Variants in RAB3B observed in about 807,000 individuals in gnomAD.
The protein encoded by RAB3B is RAB3B, member RAS oncogene family, also known as ras-related protein Rab-3B.
In RAB3B, 11 loss-of-function variants were observed where a neutral mutation model predicts 20.5. That is an observed-to-expected ratio of 0.54 (90% CI 0.34 to 0.89). RAB3B has a LOEUF of 0.89. RAB3B is among the 40% of genes least tolerant of loss of function. RAB3B has a pLI of 0.02. For synonymous variants in RAB3B, 99 were observed against 106.3 expected, an observed-to-expected ratio of 0.93 and a Z score of 0.42; for missense variants, 225 against 280.9, an observed-to-expected ratio of 0.80 and a Z score of 1.42.
intron 4 of RAB3B, among the ~76,000 whole-genome samples, chr1:51,922,239 G>T (rs1684182035): frequency 6.6e-6 from 1 of 152,148 alleles, no homozygotes; most frequent in Non-Finnish European, 1.5e-5. Flanking sequence ...GGAGGTGCGG[G>T]GAGTGTATTG....
chr1:51,979,285 T>C (rs917008051), intron 1 of RAB3B, among the ~76,000 whole-genome samples: 3 of 151,160 alleles, frequency 2.0e-5, no homozygotes, highest in East Asian at 1.9e-4. Context: ...TTTTTTTTTT[T>C]CTGAGATGGA....
In RAB3B at chr1:51,919,462, A is replaced by G. The variant is rs116625885; in HGVS notation, c.*465T>C. ...CCAAGCTTGACTTGTAGTGAGAGAA[A>G]GCCCCGCAGGGAGCCCGATAGGAAA... On this transcript the variant is annotated 3_prime_UTR_variant, in exon 5 of 5. Coordinates refer to ENST00000371655, the MANE Select transcript of RAB3B (RefSeq NM_002867.4). 4.9e-3 allele frequency: 746 copies of G among 153,286 alleles called. 7 individuals are homozygous for G. The highest frequency in any genetic ancestry group is 0.017 in the African/African-American group (706 of 41,606). 9.5% of individuals were successfully genotyped at this position (153,286 alleles called of 1,614,324 possible). A position where few individuals can be genotyped will look rare whatever the true frequency, so the allele number is the denominator to read the frequency against.
chr1:51,977,662 A>G (rs1277275991), intron 1 of RAB3B, among the ~76,000 whole-genome samples: 1 of 152,166 alleles, frequency 6.6e-6, no homozygotes, highest in Admixed American at 6.5e-5. Flanking sequence ...GTAAAGGGCT[A>G]TCATTCTCTT....
intron 2 of RAB3B, among the ~76,000 whole-genome samples, chr1:51,954,216 A>G (rs902572571): frequency 1.3e-5 from 2 of 152,232 alleles, no homozygotes; most frequent in South Asian, 4.1e-4. Context: ...ATGAATGGAT[A>G]TGGTTCATCT....
chr1:51,924,660 T>C (rs1220528320), intron 4 of RAB3B, among the ~76,000 whole-genome samples: 1 of 152,128 alleles, frequency 6.6e-6, no homozygotes, highest in Non-Finnish European at 1.5e-5. Context: ...TTTACTGTCA[T>C]CTCAAAGGTA....
chr1:51,933,077 T>G (rs1212597141), intron 4 of RAB3B, among the ~76,000 whole-genome samples: 1 of 152,160 alleles, frequency 6.6e-6, no homozygotes, highest in African/African-American at 2.4e-5. Flanking sequence ...TAAAATTTAT[T>G]TACACATTCA....
chr1:51,974,872 A>G (rs1385720510), intron 2 of RAB3B, among the ~76,000 whole-genome samples: 1 of 152,274 alleles, frequency 6.6e-6, no homozygotes, highest in Non-Finnish European at 1.5e-5. Context: ...AGATATATGC[A>G]TAATGTATTA....
chr1:51,953,472 T>C lies in RAB3B; in HGVS notation c.229-16060A>G, dbSNP rs931238502. The stretch of plus-strand genomic sequence containing the variant: ...AGGCCTTGTGCTGAGAAATTGCAGG[T>C]GATAAAAGTAAGACTCTTGTCAAAA... On this transcript the variant is annotated intron_variant, in intron 2 of 4. Coordinates refer to ENST00000371655, the MANE Select transcript of RAB3B (RefSeq NM_002867.4). Among the ~76,000 whole-genome samples the C allele has an allele frequency of 1.8e-4, 28 of 151,942 alleles. 1 individual carries two copies. The highest frequency in any genetic ancestry group is 6.8e-4 in the African/African-American group (28 of 41,346).
intron 4 of RAB3B, 126 bp from the exon 5 acceptor site, chr1:51,920,240 T>G (rs1197511827): frequency 2.5e-6 from 2 of 787,370 alleles, no homozygotes; most frequent in African/African-American, 3.5e-5. Flanking sequence ...AGAGGCTAAA[T>G]TCCACGGACA....
chr1:51,942,697 T>C (rs1198012498), intron 2 of RAB3B, among the ~76,000 whole-genome samples: 3 of 152,206 alleles, frequency 2.0e-5, no homozygotes, highest in Non-Finnish European at 4.4e-5. Context: ...TAATACTTCA[T>C]TTTATTGCAC....
chr1:51,984,167 G>A (rs1248507604), intron 1 of RAB3B, among the ~76,000 whole-genome samples: 1 of 146,388 alleles, frequency 6.8e-6, no homozygotes, highest in Non-Finnish European at 1.5e-5. Flanking sequence ...TGGAGGCTGA[G>A]GCAGGAGAAT....
chr1:51,939,806 C>G (rs1166747754), intron 2 of RAB3B, among the ~76,000 whole-genome samples: 1 of 152,156 alleles, frequency 6.6e-6, no homozygotes, highest in Non-Finnish European at 1.5e-5. Flanking sequence ...AACACCTGAA[C>G]TCAAGTGATC....
chr1:51,914,090 T>G lies in RAB3B; in HGVS notation c.*5837A>C, dbSNP rs1196269620. On this transcript the variant is annotated 3_prime_UTR_variant, in exon 5 of 5. Transcript: ENST00000371655. ...CCACAGAATCATAAGAAATGATACA[T>G]GTTTGTTGTTTTAAGCCTGTAAGTT... 1 of 152,218 alleles carries G rather than the reference T, an allele frequency of 6.6e-6. No homozygotes were observed. Among genetic ancestry groups the G allele is most frequent in the Non-Finnish European group, 1.5e-5 (1 of 68,062 alleles). The allele number at this position is 152,218 out of a possible 1,614,324, so 9.4% of individuals were successfully genotyped here.
intron 4 of RAB3B, among the ~76,000 whole-genome samples, chr1:51,929,322 T>G (rs1684291004): frequency 6.6e-6 from 1 of 152,026 alleles, no homozygotes; most frequent in Admixed American, 6.6e-5. Flanking sequence ...AGCTAATACA[T>G]TCTCTCCCTT....
At chr1:51,987,712 T>C (rs565426906) in intron 1 of RAB3B, among the ~76,000 whole-genome samples, 5 of 152,328 alleles carry the variant, frequency 3.3e-5, no homozygotes, top group African/African-American at 1.2e-4. Context: ...TCTAGAATAG[T>C]ACAGTAATTT....
chr1:51,958,494 T>C (rs796879351), intron 2 of RAB3B, among the ~76,000 whole-genome samples: 22 of 151,930 alleles, frequency 1.4e-4, no homozygotes, highest in South Asian at 4.2e-4. Flanking sequence ...GAGGCCGAGG[T>C]GGGCAGATCA....
chr1:51,914,493 A>G lies in RAB3B; in HGVS notation c.*5434T>C, dbSNP rs1406562662. 1 of 152,234 alleles carries G rather than the reference A, an allele frequency of 6.6e-6. No individual in the cohort carries two copies. Among genetic ancestry groups the G allele is most frequent in the Non-Finnish European group, 1.5e-5 (1 of 68,038 alleles). 9.4% of individuals were successfully genotyped at this position (152,234 alleles called of 1,614,324 possible). A position where few individuals can be genotyped will look rare whatever the true frequency, so the allele number is the denominator to read the frequency against. ...ACTAAATCATGAAGCTATACGTTTC[A>G]TGAAAGCAAGAACTGTGTCTAATTT... On this transcript the variant is annotated 3_prime_UTR_variant, in exon 5 of 5. Coordinates refer to ENST00000371655, the MANE Select transcript of RAB3B (RefSeq NM_002867.4).
intron 3 of RAB3B, among the ~76,000 whole-genome samples, chr1:51,934,499 C>T (rs916034678): frequency 1.1e-4 from 16 of 152,062 alleles, no homozygotes; most frequent in African/African-American, 3.6e-4. Flanking sequence ...TGGCCGGGTG[C>T]GCTGGCCCAC....
chr1:51,939,099 G>A (rs752938276), intron 2 of RAB3B, among the ~76,000 whole-genome samples: 6 of 152,178 alleles, frequency 3.9e-5, no homozygotes, highest in Non-Finnish European at 7.3e-5. Context: ...AGACAAACAC[G>A]TAAGCAAGCA....
Sources: allele counts gnomAD v4.1 joint callset (sites outside exome capture counted in the v4.1 genomes callset), GRCh38; gene constraint gnomAD v4.1.1; transcripts MANE v1.5; gene names NCBI Gene and HGNC (gene_info 2026-07-23, HGNC 2026-07-21).